SLC38A11: variants seen among roughly 807,000 people sequenced by gnomAD.
SLC38A11 encodes the protein solute carrier family 38 member 11.
SLC38A11 carries 51 observed loss-of-function variants against 49.4 expected under a neutral mutation model. The observed-to-expected ratio is 1.03, with a 90% CI of 0.83 to 1.30. The LOEUF is 1.30. Ranked by LOEUF, SLC38A11 falls within the 50% of genes most tolerant of loss-of-function variation. SLC38A11 has a pLI of 0.00. For synonymous variants in SLC38A11, 203 were observed against 192.9 expected (o/e 1.05, Z -0.43); for missense variants, 574 against 556.2 (o/e 1.03, Z -0.32).
chr2:164,920,002 C>T (rs557151894), intron 7 of SLC38A11, among the ~76,000 whole-genome samples: 2 of 152,060 alleles, frequency 1.3e-5, no homozygotes, highest in Non-Finnish European at 1.5e-5. Context: ...ATAGACCAGG[C>T]GTGGTGCTCA....
Position 164,908,750 on chromosome 2 carries a change from CA to C in SLC38A11, c.984del (p.Phe328LeufsTer13), listed in dbSNP as rs1368693762. 6 of 1,608,790 alleles carry C rather than the reference CA, an allele frequency of 3.7e-6. No homozygotes were observed. The highest frequency in any genetic ancestry group is 1.3e-5 in the African/African-American group (1 of 74,580). On this transcript the variant is annotated frameshift_variant, in exon 11 of 12. Coordinates refer to ENST00000685975, the MANE Select transcript of SLC38A11 (RefSeq NM_001351537.2). LOFTEE classifies it high-confidence loss of function. ...VTREVIANVF[F>X]GGNLSSVFHI... ...TGGAAAACCGATGAAAGATTCCCAC[CA>C]AAAAACACATTGGCAATTACCTGCC...
At chr2:164,916,907 C>CGTA (rs1685833478) in intron 7 of SLC38A11, among the ~76,000 whole-genome samples, 1 of 152,110 alleles carries the variant, frequency 6.6e-6, no homozygotes, top group South Asian at 2.1e-4. Context: ...AGGCAAGTTA[C>CGTA]AGGACCTCTC....
chr2:164,919,267 C>G lies in SLC38A11; in HGVS notation c.618-3294G>C, dbSNP rs34719389. On this transcript the variant is annotated intron_variant, in intron 7 of 11. Coordinates refer to ENST00000685975, the MANE Select transcript of SLC38A11 (RefSeq NM_001351537.2). ...ATCACTTGAGCTTGGAAGGTTGAGG[C>G]TGCAGTGAGCCATGATCACCCCATT... 1.5e-4 allele frequency among the ~76,000 whole-genome samples: 23 copies of G among 152,094 alleles called. 1 individual carries two copies. The highest frequency in any genetic ancestry group is 1.5e-3 in the Admixed American group (23 of 15,264).
chr2:164,905,445 T>C (rs559752028), intron 11 of SLC38A11, among the ~76,000 whole-genome samples: 1 of 152,130 alleles, frequency 6.6e-6, no homozygotes, highest in Non-Finnish European at 1.5e-5. Context: ...ATTATTATTA[T>C]GAAGTAGAAC....
chr2:164,915,298 T>C, intron 8 of SLC38A11, 25 bp from the exon 9 acceptor site: 1 of 1,571,180 alleles, frequency 6.4e-7, no homozygotes, highest in Non-Finnish European at 8.6e-7. Context: ...AAAAGAGCAT[T>C]ATTAAATCAA....
intron 7 of SLC38A11, among the ~76,000 whole-genome samples, chr2:164,935,052 T>G (rs1687263989): frequency 1.3e-5 from 2 of 152,178 alleles, no homozygotes; most frequent in Non-Finnish European, 2.9e-5. Flanking sequence ...CATATTTTTC[T>G]TCCTCCAGGA....
Position 164,905,944 on chromosome 2 carries a change from A to G in SLC38A11, c.1095+2696T>C, listed in dbSNP as rs543882650. ...AACCAAAACAGTTTTCAATATAAGT[A>G]TAATAGAGAATATTTAATATGATTA... On this transcript the variant is annotated intron_variant, in intron 11 of 11. Transcript: ENST00000685975. Among the ~76,000 whole-genome samples, 14 of 152,296 alleles carry G rather than the reference A, an allele frequency of 9.2e-5. No homozygotes were observed. The East Asian group carries it at 2.1e-3, about 23-fold the overall frequency.
intron 7 of SLC38A11, among the ~76,000 whole-genome samples, chr2:164,925,118 C>T (rs1686479135): frequency 6.6e-6 from 1 of 152,154 alleles, no homozygotes; most frequent in East Asian, 1.9e-4. Flanking sequence ...ATCACAAATA[C>T]TTCATTTTTG....
chr2:164,955,503 C>A lies in SLC38A11; in HGVS notation c.-256G>T. On this transcript the variant is annotated 5_prime_UTR_variant, in exon 1 of 12. Coordinates refer to ENST00000685975, the MANE Select transcript of SLC38A11 (RefSeq NM_001351537.2). Reference sequence around the variant, plus strand: ...GACAAATGTATTTTTCCTCCGGAGACGGAGATGCTGCAGGATGTTTCTGAT... The same window carrying A: ...GACAAATGTATTTTTCCTCCGGAGAAGGAGATGCTGCAGGATGTTTCTGAT... 1 of 537,864 alleles carries A rather than the reference C, an allele frequency of 1.9e-6. No homozygotes were observed. The allele number at this position is 537,864 out of a possible 1,614,324, so 33.3% of individuals were successfully genotyped here.
intron 11 of SLC38A11, among the ~76,000 whole-genome samples, chr2:164,905,971 A>G (rs915651217): frequency 6.6e-6 from 1 of 152,172 alleles, no homozygotes; most frequent in Non-Finnish European, 1.5e-5. Flanking sequence ...ATATGATTAT[A>G]TGCCTACAAT....
chr2:164,929,891 A>G (rs557707026), intron 7 of SLC38A11, among the ~76,000 whole-genome samples: 1 of 152,274 alleles, frequency 6.6e-6, no homozygotes, highest in South Asian at 2.1e-4. Flanking sequence ...AAAAGCTAGC[A>G]GAAGACAAGA....
At chr2:164,934,276 C>T (rs1573968869) in intron 7 of SLC38A11, among the ~76,000 whole-genome samples, 2 of 151,912 alleles carry the variant, frequency 1.3e-5, no homozygotes, top group Admixed American at 6.6e-5. Flanking sequence ...AAGAAACAAG[C>T]GGAGAATGCA....
At chr2:164,933,617 A>T (rs1409736138) in intron 7 of SLC38A11, among the ~76,000 whole-genome samples, 1 of 152,108 alleles carries the variant, frequency 6.6e-6, no homozygotes. Flanking sequence ...GGGTTTAAAG[A>T]TCTTTTTCAA....
intron 9 of SLC38A11, among the ~76,000 whole-genome samples, chr2:164,913,195 C>T (rs1685520236): frequency 6.6e-6 from 1 of 151,850 alleles, no homozygotes; most frequent in Non-Finnish European, 1.5e-5. Context: ...AACAAATCTA[C>T]ATTACTTTAG....
At position 164,911,335 on chromosome 2, in the gene SLC38A11, C is replaced by T. The variant is rs146154673; in HGVS notation, c.963+301G>A. Among the ~76,000 whole-genome samples the T allele has an allele frequency of 5.3e-4, 81 of 152,118 alleles. 1 individual carries two copies. In the East Asian group the frequency reaches 0.015, roughly 28 times the overall value. ...AAAGCAACAACTTTAGTTTGGCTGT[C>T]GCAAAAGGCTGGCAGTCACTTTGGA... On this transcript the variant is annotated intron_variant, in intron 10 of 11. Coordinates refer to ENST00000685975, the MANE Select transcript of SLC38A11 (RefSeq NM_001351537.2).
rs1299916265 is a variant in SLC38A11, at chr2:164,955,198, G to A, written c.39+11C>T. On this transcript the variant is annotated intron_variant, in intron 1 of 11. Coordinates refer to ENST00000685975, the MANE Select transcript of SLC38A11 (RefSeq NM_001351537.2). Reference sequence around the variant, plus strand: ...AACTGGCTTCAGAACCTGCCTAGTCGCTAGTTTTACCTGCGGCGGGATGAC... The same window carrying A: ...AACTGGCTTCAGAACCTGCCTAGTCACTAGTTTTACCTGCGGCGGGATGAC... 6.5e-7 allele frequency: 1 copy of A among 1,549,170 alleles called. No homozygotes were observed. The highest frequency in any genetic ancestry group is 8.7e-7 in the Non-Finnish European group (1 of 1,145,734).
intron 5 of SLC38A11, 139 bp from the exon 6 acceptor site, chr2:164,939,695 T>C: frequency 2.1e-6 from 1 of 477,668 alleles, no homozygotes; most frequent in Non-Finnish European, 3.7e-6. Flanking sequence ...GTTAATACTC[T>C]CCATAAAAAC....
chr2:164,944,495 AT>A, intron 5 of SLC38A11, 73 bp downstream of exon 5: 1 of 610,092 alleles, frequency 1.6e-6, no homozygotes, highest in Non-Finnish European at 2.4e-6. Context: ...ATTTATAATT[AT>A]GAACCATGTT....
Position 164,935,116 on chromosome 2 carries a change from C to T in SLC38A11, c.617+2234G>A, listed in dbSNP as rs188547076. Reference sequence around the variant, plus strand: ...AGCACCCGTTACTTTGGCACTGTCTCGGCTTCCCTTTCATGTTTCTGCTTT... The same window carrying T: ...AGCACCCGTTACTTTGGCACTGTCTTGGCTTCCCTTTCATGTTTCTGCTTT... On this transcript the variant is annotated intron_variant, in intron 7 of 11. Coordinates refer to ENST00000685975, the MANE Select transcript of SLC38A11 (RefSeq NM_001351537.2). Among the ~76,000 whole-genome samples, 190 of 152,068 alleles carry T rather than the reference C, an allele frequency of 1.2e-3. 1 individual carries two copies. The highest frequency in any genetic ancestry group is 4.4e-3 in the African/African-American group (183 of 41,500).
Sources: gnomAD v4.1 joint callset for allele counts (sites outside exome capture counted in the v4.1 genomes callset) on GRCh38, gnomAD v4.1.1 for gene constraint, MANE v1.5 for transcripts, NCBI Gene and HGNC (gene_info 2026-07-23, HGNC 2026-07-21) for gene names.